Variants in CFAP77 observed in about 807,000 individuals in gnomAD.
CFAP77 encodes the protein cilia and flagella associated protein 77.
Under a neutral mutation model 31.1 loss-of-function variants are expected in CFAP77, and 25 were observed. The observed-to-expected ratio is 0.80, with a 90% CI of 0.59 to 1.12. The LOEUF (loss-of-function observed/expected upper bound fraction) is 1.12, where lower values mean the gene tolerates loss of function less well. Among genes scored for constraint, CFAP77 ranks in the 50% most tolerant of loss-of-function variants. CFAP77 has a pLI of 0.00. For synonymous variants in CFAP77, 151 were observed against 159.9 expected, an observed-to-expected ratio of 0.94 and a Z score of 0.42; for missense variants, 377 against 397.3, an observed-to-expected ratio of 0.95 and a Z score of 0.44.
At chr9:132,524,606 C>G (rs1251106748) in intron 3 of CFAP77, among the ~76,000 whole-genome samples, 1 of 149,334 alleles carries the variant, frequency 6.7e-6, no homozygotes, top group Non-Finnish European at 1.5e-5. Context: ...GAGCAAGGCT[C>G]TGTCTCAAAA....
At chr9:132,462,221 G>T (rs936391977) in intron 1 of CFAP77, among the ~76,000 whole-genome samples, 19 of 152,164 alleles carry the variant, frequency 1.2e-4, no homozygotes, top group African/African-American at 4.1e-4. Context: ...AAGAAAGCCA[G>T]CCCCAGTGCC....
chr9:132,514,708 G>A (rs894204387), intron 3 of CFAP77, among the ~76,000 whole-genome samples: 2 of 152,168 alleles, frequency 1.3e-5, no homozygotes, highest in Non-Finnish European at 2.9e-5. Flanking sequence ...GGTGTGTGCC[G>A]CTAACCAAGC....
intron 1 of CFAP77, among the ~76,000 whole-genome samples, chr9:132,489,532 C>A (rs1247943536): frequency 1.3e-5 from 2 of 152,200 alleles, no homozygotes; most frequent in Admixed American, 6.5e-5. Flanking sequence ...AGCACATGCT[C>A]AGCACATAGT....
chr9:132,555,120 A>C (rs1852880900), intron 5 of CFAP77, among the ~76,000 whole-genome samples: 1 of 152,184 alleles, frequency 6.6e-6, no homozygotes, highest in Admixed American at 6.5e-5. Flanking sequence ...ATTTCCCTAG[A>C]ACCATGCCCA....
chr9:132,455,605 C>T lies in CFAP77; in HGVS notation c.196-43090C>T, dbSNP rs1850898911. Among the ~76,000 whole-genome samples, 1 of 152,060 alleles carries T rather than the reference C, an allele frequency of 6.6e-6. No individual in the cohort carries two copies. The highest frequency in any genetic ancestry group is 6.6e-5 in the Admixed American group (1 of 15,262). On this transcript the variant is annotated intron_variant, in intron 1 of 5. Coordinates refer to ENST00000393216, the MANE Select transcript of CFAP77 (RefSeq NM_001282957.2). This position sits in a 1 kb window ranked among gnomAD's most constrained non-coding sequence, Gnocchi z 4.1. ...AAATAGCTCTGTATGATGGTACATG[C>T]CTGTGGTCCCAGCTACTCAGGAGGC...
intron 1 of CFAP77, among the ~76,000 whole-genome samples, chr9:132,487,062 G>A (rs1485561538): frequency 1.3e-5 from 2 of 152,260 alleles, no homozygotes; most frequent in Admixed American, 6.5e-5. Context: ...GCCTGGAGGG[G>A]CTCCCCACGG....
chr9:132,564,785 T>C lies in CFAP77; in HGVS notation c.733-7603T>C, dbSNP rs2119106425. Among the ~76,000 whole-genome samples the C allele has an allele frequency of 6.6e-6, 1 of 152,328 alleles. No individual in the cohort carries two copies. Among genetic ancestry groups the C allele is most frequent in the Middle Eastern group, 3.4e-3 (1 of 294 alleles). ...GAAAAGTTGGTTCATTGCAAGTGGA[T>C]TGGAAAAGCACAGATGCTTTCAAAT... On this transcript the variant is annotated intron_variant, in intron 5 of 5. Transcript: ENST00000393216. The surrounding 1 kb of genome is among the most constrained non-coding windows in gnomAD (Gnocchi z 4.6).
At chr9:132,494,445 G>C (rs1851706309) in intron 1 of CFAP77, among the ~76,000 whole-genome samples, 1 of 152,116 alleles carries the variant, frequency 6.6e-6, no homozygotes, top group Non-Finnish European at 1.5e-5. Context: ...ACTACTGTAG[G>C]GCATTCTGTG....
chr9:132,479,226 G>A (rs1216704336), intron 1 of CFAP77, among the ~76,000 whole-genome samples: 2 of 152,132 alleles, frequency 1.3e-5, no homozygotes, highest in Non-Finnish European at 2.9e-5. Context: ...CATCTAAGAA[G>A]CCACCCATTA....
chr9:132,496,144 A>C (rs192013629), intron 1 of CFAP77, among the ~76,000 whole-genome samples: 1 of 152,186 alleles, frequency 6.6e-6, no homozygotes, highest in African/African-American at 2.4e-5. Flanking sequence ...AAAAATCTCC[A>C]TACCTTCTGC....
intron 3 of CFAP77, among the ~76,000 whole-genome samples, chr9:132,500,107 G>A (rs371419008): frequency 2.7e-5 from 4 of 149,018 alleles, no homozygotes; most frequent in Non-Finnish European, 5.9e-5. Flanking sequence ...AACAGTGATC[G>A]CACCACTGCA....
At chr9:132,533,687 G>A (rs1046030611) in intron 3 of CFAP77, among the ~76,000 whole-genome samples, 3 of 152,200 alleles carry the variant, frequency 2.0e-5, no homozygotes, top group Non-Finnish European at 4.4e-5. Context: ...TTCAAGACCA[G>A]CCTGGCCAAA....
At chr9:132,537,912 A>G (rs1852574585) in intron 4 of CFAP77, among the ~76,000 whole-genome samples, 1 of 152,190 alleles carries the variant, frequency 6.6e-6, no homozygotes. Flanking sequence ...ACCTAAGCTC[A>G]GAGCGTAGAG....
At chr9:132,428,476 A>G (rs1019286207) in intron 1 of CFAP77, among the ~76,000 whole-genome samples, 4 of 152,130 alleles carry the variant, frequency 2.6e-5, no homozygotes, top group African/African-American at 7.2e-5. Flanking sequence ...TTAGCTGGGC[A>G]TGGTGGTGGA....
intron 5 of CFAP77, among the ~76,000 whole-genome samples, chr9:132,568,841 AGGC>A: frequency 6.6e-6 from 1 of 152,180 alleles, no homozygotes; most frequent in South Asian, 2.1e-4. Context: ...CTGGGACTAT[AGGC>A]ATGTGCCACC....
chr9:132,500,476 T>A (rs1375661210), intron 3 of CFAP77, among the ~76,000 whole-genome samples: 2 of 152,238 alleles, frequency 1.3e-5, no homozygotes, highest in Non-Finnish European at 2.9e-5. Flanking sequence ...TATGATGTAA[T>A]GTGAGTTGTA....
chr9:132,429,172 AGATTG>A (rs1160546223), intron 1 of CFAP77, among the ~76,000 whole-genome samples: 3 of 152,004 alleles, frequency 2.0e-5, no homozygotes, highest in African/African-American at 7.3e-5. Flanking sequence ...GAGGCAGACT[AGATTG>A]GAAAGTGAGA....
chr9:132,434,947 G>T (rs1345507381), intron 1 of CFAP77, among the ~76,000 whole-genome samples: 8 of 152,282 alleles, frequency 5.3e-5, no homozygotes, highest in Admixed American at 2.6e-4. Context: ...AGCCAGAAAG[G>T]GCCTTTCTGT....
chr9:132,427,862 C>T (rs987439808), intron 1 of CFAP77, among the ~76,000 whole-genome samples: 2 of 152,178 alleles, frequency 1.3e-5, no homozygotes, highest in African/African-American at 4.8e-5. Context: ...TTGCCAATGA[C>T]CCTATTACCA....
Sources: allele counts gnomAD v4.1 joint callset (sites outside exome capture counted in the v4.1 genomes callset), GRCh38; gene constraint gnomAD v4.1.1; non-coding constraint Gnocchi (gnomAD v3.1); transcripts MANE v1.5; gene names NCBI Gene and HGNC (gene_info 2026-07-23, HGNC 2026-07-21).